Variants in MARK1 observed in about 807,000 individuals in gnomAD.
MARK1 encodes serine/threonine-protein kinase MARK1.
MARK1 carries 40 observed loss-of-function variants against 96.3 expected under a neutral mutation model. The observed-to-expected ratio is 0.42, with a 90% confidence interval of 0.32 to 0.54. MARK1 has a LOEUF of 0.54. Ranked by LOEUF, MARK1 falls within the 20% of genes least tolerant of loss-of-function variation. The probability of loss-of-function intolerance (pLI) is 0.16; values close to 1 mark genes in which losing one functional copy is unlikely to be tolerated. For missense variants in MARK1, 719 were observed against 984.6 expected (o/e 0.73, Z 3.61); for synonymous variants, 317 against 341.2 (o/e 0.93, Z 0.78).
intron 6 of MARK1, among the ~76,000 whole-genome samples, chr1:220,611,449 G>C (rs1666436845): frequency 6.6e-6 from 1 of 152,178 alleles, no homozygotes; most frequent in Non-Finnish European, 1.5e-5. Context: ...TATTTGGGTG[G>C]GGAGTGTCCC....
chr1:220,548,106 A>G (rs186180120), intron 1 of MARK1, among the ~76,000 whole-genome samples: 10 of 152,366 alleles, frequency 6.6e-5, no homozygotes, highest in Admixed American at 1.3e-4. Flanking sequence ...GTAAATGTAT[A>G]CAGTTAAGAT....
intron 1 of MARK1, among the ~76,000 whole-genome samples, chr1:220,539,862 T>A (rs539885423): frequency 6.6e-6 from 1 of 152,224 alleles, no homozygotes; most frequent in East Asian, 1.9e-4. Context: ...TTTTTCTGGT[T>A]TTTTATCATG....
intron 1 of MARK1, among the ~76,000 whole-genome samples, chr1:220,536,683 G>T (rs1008220264): frequency 2.0e-5 from 3 of 151,956 alleles, no homozygotes; most frequent in Admixed American, 6.6e-5. Flanking sequence ...AGCCTCCCAA[G>T]TAGCTGAGAT....
At chr1:220,541,677 A>T (rs1661159250) in intron 1 of MARK1, among the ~76,000 whole-genome samples, 1 of 152,112 alleles carries the variant, frequency 6.6e-6, no homozygotes, top group African/African-American at 2.4e-5. Flanking sequence ...CTGTTGTGAC[A>T]GTTTTTGACA....
At chr1:220,572,257 T>C (rs560266729) in intron 1 of MARK1, among the ~76,000 whole-genome samples, 5 of 152,166 alleles carry the variant, frequency 3.3e-5, no homozygotes, top group African/African-American at 4.8e-5. Context: ...TTTTTCTTTT[T>C]GGAGACAGAG....
intron 16 of MARK1, 73 bp downstream of exon 16, chr1:220,653,425 C>A: frequency 1.4e-6 from 2 of 1,438,430 alleles, no homozygotes; most frequent in South Asian, 2.8e-5. Context: ...TTAAAAAAAT[C>A]TTTATAATAA....
intron 17 of MARK1, among the ~76,000 whole-genome samples, chr1:220,658,979 C>T (rs925245662): frequency 1.3e-5 from 2 of 152,160 alleles, no homozygotes; most frequent in Non-Finnish European, 2.9e-5. Flanking sequence ...CCCCTCCTTG[C>T]ATTTCATCCT....
chr1:220,581,335 G>GT (rs1664229412), intron 3 of MARK1, among the ~76,000 whole-genome samples: 1 of 152,020 alleles, frequency 6.6e-6, no homozygotes, highest in Non-Finnish European at 1.5e-5. Context: ...TGAAAGAAAT[G>GT]TATCTCTTCT....
At chr1:220,617,774 CAG>C (rs1666836496) in intron 7 of MARK1, among the ~76,000 whole-genome samples, 1 of 152,100 alleles carries the variant, frequency 6.6e-6, no homozygotes, top group South Asian at 2.1e-4. Context: ...TTTACTGAAA[CAG>C]TACTTTGTTG....
chr1:220,617,491 CT>C (rs1264124686), intron 7 of MARK1, among the ~76,000 whole-genome samples: 8 of 152,058 alleles, frequency 5.3e-5, no homozygotes, highest in Admixed American at 1.3e-4. Flanking sequence ...TAACCTATTA[CT>C]TTGTTAGTCT....
At chr1:220,659,177 G>A (rs1572249717) in intron 17 of MARK1, among the ~76,000 whole-genome samples, 1 of 152,152 alleles carries the variant, frequency 6.6e-6, no homozygotes, top group South Asian at 2.1e-4. Context: ...TTGTTGTTGG[G>A]TTTGGTTCTA....
intron 9 of MARK1, among the ~76,000 whole-genome samples, chr1:220,624,699 G>C (rs1297147578): frequency 6.6e-6 from 1 of 151,724 alleles, no homozygotes; most frequent in Non-Finnish European, 1.5e-5. Flanking sequence ...TATTTTTTCT[G>C]ACAGGAACAT....
chr1:220,650,558 T>A (rs1213580259), intron 13 of MARK1, 62 bp from the exon 14 acceptor site: 2 of 1,084,262 alleles, frequency 1.8e-6, no homozygotes, highest in African/African-American at 3.1e-5. Context: ...CTTAAATACA[T>A]TTCTTTGGCT....
chr1:220,542,643 T>A (rs1343683038), intron 1 of MARK1, among the ~76,000 whole-genome samples: 1 of 152,220 alleles, frequency 6.6e-6, no homozygotes, highest in Non-Finnish European at 1.5e-5. Context: ...AGACTTAGTA[T>A]TTGACTCCAG....
At chr1:220,602,283 G>A (rs1466138023) in intron 5 of MARK1, among the ~76,000 whole-genome samples, 2 of 152,110 alleles carry the variant, frequency 1.3e-5, no homozygotes, top group African/African-American at 4.8e-5. Flanking sequence ...TTAAAAGTAG[G>A]TTTCAGGACT....
At chr1:220,558,921 A>G (rs1275671984) in intron 1 of MARK1, among the ~76,000 whole-genome samples, 4 of 152,174 alleles carry the variant, frequency 2.6e-5, no homozygotes, top group Admixed American at 6.5e-5. Context: ...ATGAAAATTT[A>G]TTACCCTACA....
intron 3 of MARK1, among the ~76,000 whole-genome samples, chr1:220,598,077 A>G (rs185602511): frequency 3.9e-5 from 6 of 152,292 alleles, no homozygotes; most frequent in Admixed American, 2.0e-4. Flanking sequence ...CACCACAGAC[A>G]CACACAGATC....
intron 13 of MARK1, among the ~76,000 whole-genome samples, chr1:220,642,010 C>T (rs1486714862): frequency 6.6e-6 from 1 of 152,204 alleles, no homozygotes; most frequent in Non-Finnish European, 1.5e-5. Flanking sequence ...TGTCAGCAGC[C>T]GTTTGGACAG....
chr1:220,536,658 C>T (rs573387411), intron 1 of MARK1, among the ~76,000 whole-genome samples: 6 of 152,052 alleles, frequency 3.9e-5, no homozygotes, highest in African/African-American at 9.7e-5. Flanking sequence ...TGGGTTCAAG[C>T]GATTCTCCTG....
Sources: allele counts gnomAD v4.1 joint callset (sites outside exome capture counted in the v4.1 genomes callset), GRCh38; gene constraint gnomAD v4.1.1; transcripts MANE v1.5; gene names NCBI Gene and HGNC (gene_info 2026-07-23, HGNC 2026-07-21).